OLA1: variants seen among roughly 807,000 people sequenced by gnomAD.
OLA1 encodes the protein obg-like ATPase 1.
OLA1 carries 14 observed loss-of-function variants against 48.4 expected under a neutral mutation model. The ratio of observed to expected loss-of-function variants is 0.29; its 90% CI spans 0.19 to 0.45. The LOEUF (loss-of-function observed/expected upper bound fraction) is 0.45, where lower values mean the gene tolerates loss of function less well. Among genes scored for constraint, OLA1 ranks in the 20% least tolerant of loss-of-function variants. The probability of loss-of-function intolerance (pLI) is 1.00; values close to 1 mark genes in which losing one functional copy is unlikely to be tolerated. For synonymous variants in OLA1, 127 were observed against 150.4 expected, an observed-to-expected ratio of 0.84 and a Z score of 1.14; for missense variants, 325 against 467.1, an observed-to-expected ratio of 0.70 and a Z score of 2.80.
chr2:174,237,371 C>T (rs1688881311), intron 2 of OLA1, among the ~76,000 whole-genome samples: 1 of 152,104 alleles, frequency 6.6e-6, no homozygotes. Flanking sequence ...TTCTGGAATA[C>T]CTCCTGAAGG....
chr2:174,093,271 A>AC (rs1158885528), intron 7 of OLA1, among the ~76,000 whole-genome samples: 2 of 152,122 alleles, frequency 1.3e-5, no homozygotes, highest in African/African-American at 2.4e-5. Context: ...ACATAGTGAG[A>AC]CCCCATCTCT....
Position 174,113,222 on chromosome 2 carries a change from G to A in OLA1, c.728+9958C>T, listed in dbSNP as rs980726967. Among the ~76,000 whole-genome samples, 13 of 152,156 alleles carry A rather than the reference G, an allele frequency of 8.5e-5. 1 individual carries two copies. Among genetic ancestry groups the A allele is most frequent in the South Asian group, 2.1e-4 (1 of 4,832 alleles). On this transcript the variant is annotated intron_variant, in intron 7 of 10. Transcript: ENST00000284719. ...AACCTCCCAAAGTGCTGGGATTACA[G>A]GCTTAAGCCACTGTGCCCAGTCAAA...
At chr2:174,230,463 A>G (rs1413004451) in intron 2 of OLA1, among the ~76,000 whole-genome samples, 1 of 152,154 alleles carries the variant, frequency 6.6e-6, no homozygotes, top group African/African-American at 2.4e-5. Context: ...TTAGAATAGC[A>G]CCATTCTGCA....
chr2:174,146,429 A>G (rs1259695275), intron 4 of OLA1, among the ~76,000 whole-genome samples: 1 of 152,246 alleles, frequency 6.6e-6, no homozygotes, highest in East Asian at 1.9e-4. Flanking sequence ...GATAAGTGGT[A>G]CTCAAGACTG....
At chr2:174,114,625 A>G (rs1685738984) in intron 7 of OLA1, among the ~76,000 whole-genome samples, 1 of 152,228 alleles carries the variant, frequency 6.6e-6, no homozygotes, top group Non-Finnish European at 1.5e-5. Context: ...CCACAGCCCC[A>G]TAATACATTC....
At chr2:174,104,533 T>G (rs1685471278) in intron 7 of OLA1, among the ~76,000 whole-genome samples, 1 of 152,106 alleles carries the variant, frequency 6.6e-6, no homozygotes, top group Non-Finnish European at 1.5e-5. Context: ...CGATAAGCTA[T>G]GAACTTTGGG....
At chr2:174,117,780 A>G (rs1293692797) in intron 7 of OLA1, among the ~76,000 whole-genome samples, 2 of 152,118 alleles carry the variant, frequency 1.3e-5, no homozygotes, top group Admixed American at 6.5e-5. Context: ...CCTACAAACT[A>G]TCTTGAACCT....
At chr2:174,213,695 A>G (rs1171830959) in intron 4 of OLA1, among the ~76,000 whole-genome samples, 1 of 152,212 alleles carries the variant, frequency 6.6e-6, no homozygotes, top group Non-Finnish European at 1.5e-5. Context: ...GAATTTAAAA[A>G]GAATTTGCTT....
chr2:174,162,696 A>T (rs1334064787), intron 4 of OLA1, among the ~76,000 whole-genome samples: 1 of 152,220 alleles, frequency 6.6e-6, no homozygotes, highest in Non-Finnish European at 1.5e-5. Context: ...TTTTGTGAAA[A>T]ATAGACTTTT....
At chr2:174,133,341 GC>G (rs1490419108) in intron 5 of OLA1, among the ~76,000 whole-genome samples, 1 of 152,030 alleles carries the variant, frequency 6.6e-6, no homozygotes, top group East Asian at 1.9e-4. Context: ...GGTTATTAGT[GC>G]TTTTTGTTTT....
intron 4 of OLA1, among the ~76,000 whole-genome samples, chr2:174,146,497 G>C (rs914557059): frequency 2.0e-5 from 3 of 152,176 alleles, no homozygotes; most frequent in Non-Finnish European, 4.4e-5. Flanking sequence ...GCTAGATGTA[G>C]GATGTAAGAT....
At chr2:174,193,132 C>T (rs1169164739) in intron 4 of OLA1, among the ~76,000 whole-genome samples, 1 of 150,786 alleles carries the variant, frequency 6.6e-6, no homozygotes, top group East Asian at 1.9e-4. Context: ...CTCTGTTGCC[C>T]AGGCTGGAGT....
chr2:174,166,802 AC>A (rs1687175711), intron 4 of OLA1, among the ~76,000 whole-genome samples: 1 of 152,146 alleles, frequency 6.6e-6, no homozygotes, highest in African/African-American at 2.4e-5. Flanking sequence ...CTGTTGATTT[AC>A]CCAACTACTA....
At chr2:174,095,325 G>GTTTTTTTTTT (rs1205716344) in intron 7 of OLA1, among the ~76,000 whole-genome samples, 123 of 77,948 alleles carry the variant, frequency 1.6e-3, no homozygotes, top group Non-Finnish European at 2.1e-3. Context: ...GTTATTTCCT[G>GTTTTTTTTTT]TTTTTTTTTT....
chr2:174,094,038 A>G (rs1215571526), intron 7 of OLA1, among the ~76,000 whole-genome samples: 1 of 152,256 alleles, frequency 6.6e-6, no homozygotes, highest in Non-Finnish European at 1.5e-5. Flanking sequence ...TCCCTCTGAT[A>G]TACCGGGATA....
intron 4 of OLA1, among the ~76,000 whole-genome samples, chr2:174,201,733 T>G (rs1687994120): frequency 6.6e-6 from 1 of 152,174 alleles, no homozygotes; most frequent in African/African-American, 2.4e-5. Flanking sequence ...TTATAACACA[T>G]TAATCCTCAA....
intron 4 of OLA1, among the ~76,000 whole-genome samples, chr2:174,199,787 C>G (rs372545638): frequency 9.2e-5 from 14 of 152,204 alleles, no homozygotes; most frequent in African/African-American, 3.4e-4. Context: ...TTTTAAGATA[C>G]TATTATTTGT....
chr2:174,120,305 T>C (rs1022960763), intron 7 of OLA1, among the ~76,000 whole-genome samples: 5 of 152,116 alleles, frequency 3.3e-5, no homozygotes, highest in Admixed American at 3.3e-4. Context: ...AAATGAAAAT[T>C]AATACCGTCT....
At chr2:174,166,379 T>G (rs1197933240) in intron 4 of OLA1, among the ~76,000 whole-genome samples, 2 of 152,206 alleles carry the variant, frequency 1.3e-5, no homozygotes, top group Non-Finnish European at 2.9e-5. Context: ...ATACCAGATT[T>G]GAGCAAGCAG....
Sources: gnomAD v4.1 joint callset for allele counts (sites outside exome capture counted in the v4.1 genomes callset) on GRCh38, gnomAD v4.1.1 for gene constraint, MANE v1.5 for transcripts, NCBI Gene and HGNC (gene_info 2026-07-23, HGNC 2026-07-21) for gene names.